MGAT4C: variants seen among roughly 807,000 people sequenced by gnomAD.
MGAT4C encodes the protein alpha-1,3-mannosyl-glycoprotein 4-beta-N-acetylglucosaminyltransferase C.
MGAT4C carries 19 observed loss-of-function variants against 40.1 expected under a neutral mutation model. The ratio of observed to expected loss-of-function variants is 0.47; its 90% confidence interval spans 0.33 to 0.70. MGAT4C has a LOEUF of 0.70. Among genes scored for constraint, MGAT4C ranks in the 30% least tolerant of loss-of-function variants. The pLI, the probability that MGAT4C is intolerant of heterozygous loss-of-function variation, is 0.02. For missense variants in MGAT4C, 491 were observed against 563.2 expected (o/e 0.87, Z 1.30); for synonymous variants, 181 against 187.1 (o/e 0.97, Z 0.27).
At chr12:86,623,469 A>G (rs1430355264) in intron 2 of MGAT4C, among the ~76,000 whole-genome samples, 1 of 152,198 alleles carries the variant, frequency 6.6e-6, no homozygotes, top group African/African-American at 2.4e-5. Flanking sequence ...CAATGAACAA[A>G]GATATAAATG....
chr12:86,369,206 TATCCTTTTCC>T lies in MGAT4C; in HGVS notation c.-119-35089_-119-35080del, dbSNP rs1355896006. Among the ~76,000 whole-genome samples the T allele has an allele frequency of 2.0e-5, 3 of 152,146 alleles. No individual in the cohort carries two copies. The East Asian group carries it at 5.8e-4, about 29-fold the overall frequency. Reference sequence around the variant, plus strand: ...TCATTTAATTTTCCATTGCATGGAATATCCTTTTCCATCCTTTCCTTTTCAGCCTATATAT... The same window carrying T: ...TCATTTAATTTTCCATTGCATGGAATATCCTTTCCTTTTCAGCCTATATAT... On this transcript the variant is annotated intron_variant, in intron 3 of 7. Coordinates refer to the MGAT4C transcript ENST00000548651.
intron 3 of MGAT4C, among the ~76,000 whole-genome samples, chr12:86,370,836 T>A (rs1358584140): frequency 6.6e-6 from 1 of 152,024 alleles, no homozygotes; most frequent in African/African-American, 2.4e-5. Context: ...AATACTAAGC[T>A]AAGCACTAGA....
chr12:86,228,086 T>A (rs1951167423), intron 1 of MGAT4C, among the ~76,000 whole-genome samples: 3 of 151,884 alleles, frequency 2.0e-5, no homozygotes, highest in Non-Finnish European at 3.0e-5. Flanking sequence ...AAGTACCATA[T>A]CAGATGTCAG....
At chr12:86,510,862 A>G (rs1958566448) in intron 2 of MGAT4C, among the ~76,000 whole-genome samples, 2 of 152,098 alleles carry the variant, frequency 1.3e-5, no homozygotes, top group South Asian at 2.1e-4. Context: ...TGACCTACAA[A>G]GAGACTTAGA....
intron 1 of MGAT4C, among the ~76,000 whole-genome samples, chr12:86,235,921 C>A (rs1392250102): frequency 6.6e-6 from 1 of 152,058 alleles, no homozygotes; most frequent in South Asian, 2.1e-4. Context: ...CTACTACCAA[C>A]TACTCCAAAA....
Position 86,600,133 on chromosome 12 carries a change from A to G in MGAT4C, c.-229+127076T>C, listed in dbSNP as rs560716064. On this transcript the variant is annotated intron_variant, in intron 2 of 7. Transcript: ENST00000548651. ...GGGAACGTCACCTTCTACAGGTTATATTTACTCTCTAGAAGCCATGAAGAG... is the reference window on the plus strand; with the variant it reads ...GGGAACGTCACCTTCTACAGGTTATGTTTACTCTCTAGAAGCCATGAAGAG... Among the ~76,000 whole-genome samples, 4 of 152,258 alleles carry G rather than the reference A, an allele frequency of 2.6e-5. No individual in the cohort carries two copies. The South Asian group carries it at 8.3e-4, about 32-fold the overall frequency.
intron 2 of MGAT4C, among the ~76,000 whole-genome samples, chr12:86,636,708 T>C (rs1963230369): frequency 6.6e-6 from 1 of 152,150 alleles, no homozygotes; most frequent in Admixed American, 6.6e-5. Flanking sequence ...ATAACCTTTA[T>C]AAAATAATAT....
chr12:85,986,299 T>C (rs972558772), intron 3 of MGAT4C, among the ~76,000 whole-genome samples: 1 of 152,156 alleles, frequency 6.6e-6, no homozygotes, highest in Non-Finnish European at 1.5e-5. Context: ...ATGACAATCA[T>C]TTTCTGGATG....
intron 1 of MGAT4C, among the ~76,000 whole-genome samples, chr12:86,736,817 A>T (rs1950992674): frequency 6.6e-6 from 1 of 151,760 alleles, no homozygotes; most frequent in African/African-American, 2.4e-5. Context: ...TCCCACATTT[A>T]TACTTGAATA....
At chr12:86,517,115 T>C (rs1320853303) in intron 2 of MGAT4C, among the ~76,000 whole-genome samples, 1 of 152,172 alleles carries the variant, frequency 6.6e-6, no homozygotes, top group Non-Finnish European at 1.5e-5. Context: ...ACAGCAATTA[T>C]GGAAAATAAC....
chr12:86,105,343 A>G (rs1345573677), intron 1 of MGAT4C, among the ~76,000 whole-genome samples: 1 of 152,118 alleles, frequency 6.6e-6, no homozygotes, highest in Admixed American at 6.6e-5. Context: ...AAAACCAAAA[A>G]CCACATAATC....
chr12:86,645,084 C>A (rs912193417), intron 2 of MGAT4C, among the ~76,000 whole-genome samples: 1 of 151,376 alleles, frequency 6.6e-6, no homozygotes, highest in African/African-American at 2.4e-5. Flanking sequence ...TGTACAAAAT[C>A]ATATCTATAT....
intron 1 of MGAT4C, among the ~76,000 whole-genome samples, chr12:86,225,509 A>T (rs1445051522): frequency 6.6e-6 from 1 of 152,060 alleles, no homozygotes; most frequent in Non-Finnish European, 1.5e-5. Context: ...AAACTGCAGG[A>T]TGATATCCCT....
At chr12:86,453,431 A>G (rs1957459710) in intron 2 of MGAT4C, among the ~76,000 whole-genome samples, 1 of 152,130 alleles carries the variant, frequency 6.6e-6, no homozygotes, top group South Asian at 2.1e-4. Context: ...TTCTGGACTA[A>G]TAAGGGAAAA....
intron 3 of MGAT4C, among the ~76,000 whole-genome samples, chr12:86,385,165 A>C (rs953534731): frequency 7.2e-5 from 11 of 152,194 alleles, no homozygotes; most frequent in Non-Finnish European, 1.2e-4. Flanking sequence ...TTGCTGAAAC[A>C]ATAAATCTGA....
intron 2 of MGAT4C, among the ~76,000 whole-genome samples, chr12:86,460,605 G>A (rs559967416): frequency 6.6e-6 from 1 of 152,166 alleles, no homozygotes; most frequent in Non-Finnish European, 1.5e-5. Flanking sequence ...AGGATAGCAT[G>A]TGTGTGTCTG....
intron 1 of MGAT4C, among the ~76,000 whole-genome samples, chr12:86,085,878 A>T (rs1241066085): frequency 1.3e-5 from 2 of 152,188 alleles, no homozygotes; most frequent in Non-Finnish European, 2.9e-5. Flanking sequence ...ATCATTAAAA[A>T]GTCAGGAAAC....
intron 3 of MGAT4C, among the ~76,000 whole-genome samples, chr12:86,389,214 G>T (rs1406040559): frequency 6.6e-6 from 1 of 152,018 alleles, no homozygotes; most frequent in Non-Finnish European, 1.5e-5. Context: ...CCCTCTGGAA[G>T]GCCCCATTGT....
chr12:86,656,471 T>C (rs1389394579), intron 2 of MGAT4C, among the ~76,000 whole-genome samples: 3 of 152,056 alleles, frequency 2.0e-5, no homozygotes, highest in African/African-American at 7.2e-5. Context: ...CTCAAACCCC[T>C]ATGCTTTATT....
Sources: allele counts gnomAD v4.1 joint callset (sites outside exome capture counted in the v4.1 genomes callset), GRCh38; gene constraint gnomAD v4.1.1; transcripts MANE v1.5; gene names NCBI Gene and HGNC (gene_info 2026-07-23, HGNC 2026-07-21).